ITGA6: variants seen among roughly 807,000 people sequenced by gnomAD.
ITGA6 encodes integrin alpha-6.
ITGA6 carries 63 observed loss-of-function variants against 133.6 expected under a neutral mutation model. The ratio of observed to expected loss-of-function variants is 0.47; its 90% CI spans 0.38 to 0.58. The LOEUF is 0.58. ITGA6 is among the 20% of genes least tolerant of loss of function. ITGA6 has a pLI of 0.00. For missense variants in ITGA6, 1,068 were observed against 1,309.4 expected (o/e 0.82, Z 2.85); for synonymous variants, 434 against 482.0 (o/e 0.90, Z 1.30).
chr2:172,446,285 AT>A (rs1226628783), intron 1 of ITGA6, among the ~76,000 whole-genome samples: 2 of 152,228 alleles, frequency 1.3e-5, no homozygotes, highest in Non-Finnish European at 1.5e-5. Context: ...TATTTAAAAT[AT>A]TTTATTGAAA....
At chr2:172,428,236 A>G in intron 1 of ITGA6, 1 of 204,856 alleles carries the variant, frequency 4.9e-6, no homozygotes, top group Non-Finnish European at 9.6e-6. Flanking sequence ...TTCTGTTTTA[A>G]ACAAAGTGCT....
chr2:172,490,423 A>G (rs944081051), intron 20 of ITGA6, among the ~76,000 whole-genome samples: 1 of 152,174 alleles, frequency 6.6e-6, no homozygotes, highest in African/African-American at 2.4e-5. Context: ...TTTAAATTCT[A>G]AGGTGACTGG....
At chr2:172,463,816 T>C (rs1184248673) in intron 1 of ITGA6, among the ~76,000 whole-genome samples, 2 of 152,116 alleles carry the variant, frequency 1.3e-5, no homozygotes, top group East Asian at 3.9e-4. Context: ...GTACAGTAAT[T>C]TAACACATTC....
intron 1 of ITGA6, among the ~76,000 whole-genome samples, chr2:172,463,096 G>C (rs189302460): frequency 6.6e-6 from 1 of 152,136 alleles, no homozygotes; most frequent in Non-Finnish European, 1.5e-5. Flanking sequence ...ACCTGTTCAC[G>C]GATCAGGCTT....
At chr2:172,499,467 C>T (rs918573532) in intron 24 of ITGA6, among the ~76,000 whole-genome samples, 11 of 152,154 alleles carry the variant, frequency 7.2e-5, no homozygotes, top group African/African-American at 2.2e-4. Flanking sequence ...TGGGCTCAAG[C>T]AATCCTCCCA....
At chr2:172,459,159 G>A (rs981261756) in intron 1 of ITGA6, among the ~76,000 whole-genome samples, 1 of 152,172 alleles carries the variant, frequency 6.6e-6, no homozygotes, top group Non-Finnish European at 1.5e-5. Context: ...GAGTGAAAGA[G>A]GTCCCACATA....
At chr2:172,501,457 C>G (rs1191406464) in intron 24 of ITGA6, among the ~76,000 whole-genome samples, 3 of 152,084 alleles carry the variant, frequency 2.0e-5, no homozygotes, top group African/African-American at 4.8e-5. Flanking sequence ...AAGAAACTAC[C>G]CAAAGCTACA....
chr2:172,489,091 C>G (rs759584887), intron 19 of ITGA6, among the ~76,000 whole-genome samples: 13 of 152,164 alleles, frequency 8.5e-5, no homozygotes, highest in Non-Finnish European at 1.8e-4. Flanking sequence ...ATGGGGTTTT[C>G]CAGAAGCAGG....
Position 172,467,538 on chromosome 2 carries a change from A to T in ITGA6, c.365A>T (p.Gln122Leu), listed in dbSNP as rs1685733244. ...TGGATGGGGGTCACCGTCCAGAGCCAAGGTCCAGGGGGCAAGGTCGTGGTA... is the reference window on the plus strand; with the variant it reads ...TGGATGGGGGTCACCGTCCAGAGCCTAGGTCCAGGGGGCAAGGTCGTGGTA... ...DQWMGVTVQS[Q>L]GPGGKVVTCA... Residue 122 changes from glutamine to leucine, a missense_variant, in exon 3 of 26, where the codon CAA (glutamine) becomes CTA (leucine). Transcript: ENST00000684293. The T allele has an allele frequency of 2.5e-6, 4 of 1,613,600 alleles. No individual in the cohort carries two copies. The highest frequency in any genetic ancestry group is 3.4e-6 in the Non-Finnish European group (4 of 1,179,712).
At chr2:172,445,646 CT>C (rs1169170817) in intron 1 of ITGA6, among the ~76,000 whole-genome samples, 3 of 111,330 alleles carry the variant, frequency 2.7e-5, no homozygotes, top group Admixed American at 1.1e-4. Flanking sequence ...GAGACTCCGT[CT>C]TTTTTAAAAA....
chr2:172,471,896 A>T (rs1408039991), intron 5 of ITGA6, among the ~76,000 whole-genome samples: 1 of 128,152 alleles, frequency 7.8e-6, no homozygotes, highest in Admixed American at 7.5e-5. Flanking sequence ...TAACCTGTTT[A>T]AAAAAAAAAA....
chr2:172,450,235 A>G (rs1684930333), intron 1 of ITGA6, among the ~76,000 whole-genome samples: 1 of 152,228 alleles, frequency 6.6e-6, no homozygotes, highest in Admixed American at 6.5e-5. Context: ...GGCTGTAAGC[A>G]GAGGAATGAT....
chr2:172,501,889 ACTT>A lies in ITGA6; in HGVS notation c.*13_*15del. 1.2e-6 allele frequency: 2 copies of A among 1,611,770 alleles called. No homozygotes were observed. The highest frequency in any genetic ancestry group is 1.7e-6 in the Non-Finnish European group (2 of 1,179,256). The stretch of plus-strand genomic sequence containing the variant: ...TACTTCTGATGCATAGTATTGATCT[ACTT>A]CTGTAATTGGTAATTGATCAATGTT... On this transcript the variant is annotated 3_prime_UTR_variant, in exon 25 of 26. Coordinates refer to ENST00000684293, the MANE Select transcript of ITGA6 (RefSeq NM_000210.4).
At chr2:172,455,945 C>T (rs577297480) in intron 1 of ITGA6, among the ~76,000 whole-genome samples, 67 of 152,304 alleles carry the variant, frequency 4.4e-4, no homozygotes, top group African/African-American at 1.5e-3. Context: ...TTTGGATAAA[C>T]GCACAAACAA....
At chr2:172,432,784 G>A (rs962275711) in intron 1 of ITGA6, among the ~76,000 whole-genome samples, 1 of 152,170 alleles carries the variant, frequency 6.6e-6, no homozygotes, top group African/African-American at 2.4e-5. Flanking sequence ...TGGGTACTCG[G>A]GACTTGCTGA....
At chr2:172,493,614 C>A (rs921559102) in intron 23 of ITGA6, among the ~76,000 whole-genome samples, 5 of 152,134 alleles carry the variant, frequency 3.3e-5, no homozygotes, top group Non-Finnish European at 7.3e-5. Context: ...TAATTTGAGA[C>A]CCTCAATTGA....
At chr2:172,483,487 C>T (rs1389666574) in intron 11 of ITGA6, among the ~76,000 whole-genome samples, 1 of 152,228 alleles carries the variant, frequency 6.6e-6, no homozygotes, top group African/African-American at 2.4e-5. Flanking sequence ...CTCCAGCCCT[C>T]TGCACACTTT....
intron 5 of ITGA6, among the ~76,000 whole-genome samples, 187 bp from the exon 6 acceptor site, chr2:172,473,868 C>G (rs1347872243): frequency 6.6e-6 from 1 of 152,046 alleles, no homozygotes; most frequent in Admixed American, 6.6e-5. Flanking sequence ...ATTAGCTAGC[C>G]CCAGGACTTT....
chr2:172,434,420 G>A (rs1156979294), intron 1 of ITGA6, among the ~76,000 whole-genome samples: 6 of 152,066 alleles, frequency 3.9e-5, no homozygotes, highest in African/African-American at 7.2e-5. Context: ...AAGGCAAGAC[G>A]ATCTCAAACC....
Sources: gnomAD v4.1 joint callset for allele counts (sites outside exome capture counted in the v4.1 genomes callset) on GRCh38, gnomAD v4.1.1 for gene constraint, MANE v1.5 for transcripts, NCBI Gene and HGNC (gene_info 2026-07-23, HGNC 2026-07-21) for gene names.